CHODL: variants seen among roughly 807,000 people sequenced by gnomAD.
CHODL encodes the protein chondrolectin.
A neutral mutation model predicts 34.5 loss-of-function variants in CHODL; 29 were observed. That is an observed-to-expected ratio of 0.84 (90% CI 0.63 to 1.15). CHODL has a LOEUF of 1.15. CHODL is among the 50% of genes most tolerant of loss of function. The pLI, the probability that CHODL is intolerant of heterozygous loss-of-function variation, is 0.00. For synonymous variants in CHODL, 125 were observed against 116.1 expected (o/e 1.08, Z -0.49); for missense variants, 332 against 332.5 (o/e 1.00, Z 0.01).
chr21:18,197,517 G>A (rs2073603447), intron 2 of CHODL, among the ~76,000 whole-genome samples: 1 of 152,194 alleles, frequency 6.6e-6, no homozygotes, highest in Admixed American at 6.5e-5. Flanking sequence ...TCTGGAGGCT[G>A]CAGTGGGAGA....
intron 2 of CHODL, among the ~76,000 whole-genome samples, chr21:18,088,138 T>C (rs1444578358): frequency 3.3e-5 from 5 of 152,158 alleles, no homozygotes; most frequent in Admixed American, 6.5e-5. Flanking sequence ...CAATTTATCA[T>C]GAGATTTGGG....
intron 1 of CHODL, among the ~76,000 whole-genome samples, chr21:18,026,821 T>A (rs937843958): frequency 6.6e-6 from 1 of 152,186 alleles, no homozygotes; most frequent in Non-Finnish European, 1.5e-5. Context: ...TAACTTCAAC[T>A]CCACATGAAA....
At chr21:17,926,059 G>C (rs561719195) in intron 1 of CHODL, among the ~76,000 whole-genome samples, 4 of 152,276 alleles carry the variant, frequency 2.6e-5, no homozygotes, top group Admixed American at 2.6e-4. Flanking sequence ...AAATTAGTAG[G>C]TGTAATGATT....
chr21:17,981,844 G>A lies in CHODL; in HGVS notation c.-144-46028G>A, dbSNP rs146421977. 5.7e-3 allele frequency among the ~76,000 whole-genome samples: 866 copies of A among 152,152 alleles called. 6 individuals are homozygous for A. The highest frequency in any genetic ancestry group is 0.014 in the African/African-American group (566 of 41,510). On this transcript the variant is annotated intron_variant, in intron 1 of 6. Transcript: ENST00000400127. The stretch of plus-strand genomic sequence containing the variant: ...GAGGATTAATAAAATATCACATAAT[G>A]GGCCTATTAAATATTAGCATGAGAA...
chr21:18,091,834 G>A (rs950410180), intron 2 of CHODL, among the ~76,000 whole-genome samples: 1 of 152,232 alleles, frequency 6.6e-6, no homozygotes, highest in Admixed American at 6.5e-5. Context: ...ACCAGTAGTG[G>A]TGGTGATGGC....
Position 17,994,359 on chromosome 21 carries a change from A to G in CHODL, c.-144-33513A>G, listed in dbSNP as rs372071505. 3.9e-5 allele frequency among the ~76,000 whole-genome samples: 6 copies of G among 152,242 alleles called. 1 individual carries two copies. Among genetic ancestry groups the G allele is most frequent in the Admixed American group, 1.3e-4 (2 of 15,276 alleles). ...TGTATGTCTTCAGTAATGGCAGTAG[A>G]GGGAGCAGGCCAATCCTCAAGTCCT... On this transcript the variant is annotated intron_variant, in intron 1 of 6. Coordinates refer to the CHODL transcript ENST00000400127.
chr21:18,058,604 C>T (rs1286077536), intron 2 of CHODL, among the ~76,000 whole-genome samples: 1 of 152,098 alleles, frequency 6.6e-6, no homozygotes, highest in Non-Finnish European at 1.5e-5. Flanking sequence ...CAAATAAATA[C>T]CACAAGTTCT....
chr21:18,135,879 C>T (rs566811037), intron 2 of CHODL, among the ~76,000 whole-genome samples: 3 of 151,852 alleles, frequency 2.0e-5, no homozygotes, highest in Admixed American at 1.3e-4. Context: ...GAGGCCAAGG[C>T]GGATGGATCA....
At chr21:18,232,349 G>T (rs73204894) in intron 2 of CHODL, among the ~76,000 whole-genome samples, 10,371 of 152,118 alleles carry the variant, frequency 0.068, 444 homozygotes, top group Non-Finnish European at 0.097. Context: ...CTGAATGACA[G>T]AAATTTATTT....
intron 2 of CHODL, among the ~76,000 whole-genome samples, chr21:18,194,955 T>C (rs2073565251): frequency 6.6e-6 from 1 of 152,146 alleles, no homozygotes; most frequent in South Asian, 2.1e-4. Flanking sequence ...TATCATTTTC[T>C]GTGGGGAGAA....
chr21:18,127,249 A>G (rs909246232), intron 2 of CHODL, among the ~76,000 whole-genome samples: 3 of 152,200 alleles, frequency 2.0e-5, no homozygotes, highest in African/African-American at 7.2e-5. Flanking sequence ...AACTCTGGAT[A>G]TACTAAACGC....
chr21:18,252,769 G>A (rs1354832186), intron 1 of CHODL, among the ~76,000 whole-genome samples: 3 of 152,090 alleles, frequency 2.0e-5, no homozygotes, highest in African/African-American at 7.2e-5. Context: ...CACAGCTGAT[G>A]ATCAAACTTT....
intron 1 of CHODL, among the ~76,000 whole-genome samples, chr21:17,997,291 G>A (rs2063858953): frequency 6.6e-6 from 1 of 152,124 alleles, no homozygotes; most frequent in African/African-American, 2.4e-5. Context: ...AGGGAGACAG[G>A]GCATGGCCAG....
intron 1 of CHODL, among the ~76,000 whole-genome samples, chr21:17,929,356 A>C (rs1281890399): frequency 6.6e-6 from 1 of 152,250 alleles, no homozygotes; most frequent in Non-Finnish European, 1.5e-5. Context: ...GAAAAAGTAC[A>C]AATAAAAGTA....
At chr21:18,205,175 GA>G (rs919257443) in intron 2 of CHODL, among the ~76,000 whole-genome samples, 18 of 152,162 alleles carry the variant, frequency 1.2e-4, no homozygotes, top group African/African-American at 4.3e-4. Context: ...AGATATTGGG[GA>G]AAAGGCTTTC....
chr21:17,927,152 A>ATATATATGTATATATG (rs1012815131), intron 1 of CHODL, among the ~76,000 whole-genome samples: 5 of 57,834 alleles, frequency 8.6e-5, no homozygotes, highest in Non-Finnish European at 1.6e-4. Context: ...GTATATATGT[A>ATATATATGTATATATG]TATATATGTA....
rs371863897 is a variant in CHODL at position 18,123,930 on chromosome 21, C to T, written c.-45+95959C>T. ...CGGCGCGGTGGCTCACGCCTGTAAT[C>T]CCAGCATTTTGGGAGGCCGAGGCGG... On this transcript the variant is annotated intron_variant, in intron 2 of 6. Transcript: ENST00000400127. 4.9e-4 allele frequency among the ~76,000 whole-genome samples: 74 copies of T among 152,212 alleles called. 1 individual carries two copies. The South Asian group carries it at 0.014, about 28-fold the overall frequency.
At chr21:18,178,067 T>C (rs957327335) in intron 2 of CHODL, among the ~76,000 whole-genome samples, 1 of 152,158 alleles carries the variant, frequency 6.6e-6, no homozygotes, top group African/African-American at 2.4e-5. Context: ...ATCAGTCTCA[T>C]GGTTGCTAAT....
At chr21:18,054,493 A>C (rs139970396) in intron 2 of CHODL, among the ~76,000 whole-genome samples, 1 of 152,136 alleles carries the variant, frequency 6.6e-6, no homozygotes, top group East Asian at 1.9e-4. Context: ...TGCTAAGTAA[A>C]ATAAGACAGG....
Sources: gnomAD v4.1 joint callset for allele counts (sites outside exome capture counted in the v4.1 genomes callset) on GRCh38, gnomAD v4.1.1 for gene constraint, MANE v1.5 for transcripts, NCBI Gene and HGNC (gene_info 2026-07-23, HGNC 2026-07-21) for gene names.